ADGRL4: variants seen among roughly 807,000 people sequenced by gnomAD.
ADGRL4 encodes the protein EGF, latrophilin and seven transmembrane domain containing 1.
ADGRL4 carries 90 observed loss-of-function variants against 74.8 expected under a neutral mutation model. That is an observed-to-expected ratio of 1.20 (90% CI 1.02 to 1.43). The LOEUF is 1.43. ADGRL4 is among the 40% of genes most tolerant of loss of function. The pLI is 0.00. For synonymous variants in ADGRL4, 311 were observed against 279.2 expected (o/e 1.11, Z -1.14); for missense variants, 881 against 814.3 (o/e 1.08, Z -1.00).
chr1:78,900,469 C>T (rs1006275382), intron 12 of ADGRL4, among the ~76,000 whole-genome samples: 2 of 152,268 alleles, frequency 1.3e-5, no homozygotes, highest in Non-Finnish European at 2.9e-5. Context: ...GGGAGAAATA[C>T]ACGCACATGT....
In ADGRL4 at chr1:78,921,527, A is replaced by G. The variant is rs1648999144; in HGVS notation, c.1257+86T>C. The G allele has an allele frequency of 5.8e-6, 5 of 860,878 alleles. No homozygotes were observed. The Admixed American group carries it at 1.2e-4, about 21-fold the overall frequency. 53.3% of individuals were successfully genotyped at this position (860,878 alleles called of 1,614,324 possible). A position where few individuals can be genotyped will look rare whatever the true frequency, so the allele number is the denominator to read the frequency against. On this transcript the variant is annotated intron_variant, in intron 9 of 14. Coordinates refer to ENST00000370742, the MANE Select transcript of ADGRL4 (RefSeq NM_022159.4). ...TGCTATCTAAACCCAAGAAAAATAT[A>G]TAAAAAATTAAATATTGTCTCGAAT...
chr1:78,924,334 G>T (rs1649069416), intron 8 of ADGRL4, among the ~76,000 whole-genome samples: 1 of 151,984 alleles, frequency 6.6e-6, no homozygotes, highest in Admixed American at 6.6e-5. Flanking sequence ...TTAAAAAATT[G>T]ACCTTCTCTG....
At chr1:78,988,844 T>A (rs576382238) in intron 2 of ADGRL4, among the ~76,000 whole-genome samples, 46 of 151,968 alleles carry the variant, frequency 3.0e-4, no homozygotes, top group Middle Eastern at 3.4e-3. Context: ...TTATTCAATC[T>A]TTCCACCCTG....
At position 79,005,221 on chromosome 1, in the gene ADGRL4, T is replaced by G; in HGVS notation, c.23-2A>C. The G allele has an allele frequency of 1.2e-6, 2 of 1,600,802 alleles. No individual in the cohort carries two copies. The highest frequency in any genetic ancestry group is 1.7e-6 in the Non-Finnish European group (2 of 1,174,562). On this transcript the variant is annotated splice_acceptor_variant, in intron 1 of 14. Transcript: ENST00000370742. LOFTEE classifies it high-confidence loss of function. ...AATTCAACAAAGTGGAAAAAACCAC[T>G]AAATAAAATAGAGAAATACACCTTT...
chr1:78,978,976 C>T (rs4650622), intron 2 of ADGRL4, among the ~76,000 whole-genome samples: 13,615 of 151,792 alleles, frequency 0.09, 822 homozygotes, highest in East Asian at 0.34. Context: ...ACACTAGCAG[C>T]AGCAATTTTT....
chr1:78,910,427 A>T lies in ADGRL4; in HGVS notation c.1749+7207T>A, dbSNP rs530259361. Among the ~76,000 whole-genome samples the T allele has an allele frequency of 2.0e-5, 3 of 151,948 alleles. 1 individual carries two copies. Among genetic ancestry groups the T allele is most frequent in the Admixed American group, 6.6e-5 (1 of 15,198 alleles). The stretch of plus-strand genomic sequence containing the variant: ...AAGAGTAGTGATACAGCAACACATA[A>T]TTATGAGAGTTTTGATTTAAATTCA... On this transcript the variant is annotated intron_variant, in intron 12 of 14. Coordinates refer to ENST00000370742, the MANE Select transcript of ADGRL4 (RefSeq NM_022159.4).
Position 78,939,283 on chromosome 1 carries a change from ACAGT to A in ADGRL4, c.326-29_326-26del, listed in dbSNP as rs747678729. 6 of 1,534,658 alleles carry A rather than the reference ACAGT, an allele frequency of 3.9e-6. No individual in the cohort carries two copies. The Admixed American group carries it at 1.1e-4, about 27-fold the overall frequency. ...TCTGTAAAAAAAGAAAATAGATTAT[ACAGT>A]CAGTTTTAAAAAGTATTTTTCCTAA... is the stretch of plus-strand genomic sequence containing the variant. On this transcript the variant is annotated intron_variant, in intron 3 of 14. Coordinates refer to ENST00000370742, the MANE Select transcript of ADGRL4 (RefSeq NM_022159.4).
intron 8 of ADGRL4, among the ~76,000 whole-genome samples, chr1:78,924,754 T>C (rs1163240751): frequency 6.6e-6 from 1 of 152,122 alleles, no homozygotes; most frequent in Non-Finnish European, 1.5e-5. Context: ...CATGATTCAG[T>C]TGTGAATAAC....
intron 2 of ADGRL4, among the ~76,000 whole-genome samples, chr1:78,979,668 A>G (rs1006333890): frequency 6.6e-6 from 1 of 151,966 alleles, no homozygotes; most frequent in South Asian, 2.1e-4. Context: ...TCAGCCAATG[A>G]GTGGATAAAG....
At chr1:78,917,748 G>A in intron 11 of ADGRL4, 48 bp from the exon 12 acceptor site, 1 of 1,584,250 alleles carries the variant, frequency 6.3e-7, no homozygotes, top group Non-Finnish European at 8.7e-7. Flanking sequence ...TTGCATGTAT[G>A]TTAACATAGC....
At chr1:78,933,333 T>G (rs1649285362) in intron 7 of ADGRL4, among the ~76,000 whole-genome samples, 1 of 151,394 alleles carries the variant, frequency 6.6e-6, no homozygotes, top group African/African-American at 2.5e-5. Flanking sequence ...AAAAACCACA[T>G]GATCATCTCA....
intron 3 of ADGRL4, among the ~76,000 whole-genome samples, chr1:78,942,173 C>CAAAAA (rs398049382): frequency 4.1e-5 from 3 of 73,610 alleles, no homozygotes; most frequent in Admixed American, 1.7e-4. Flanking sequence ...GACTCCGTCT[C>CAAAAA]AAAAAAAAAA....
chr1:78,993,154 T>C (rs1203404722), intron 2 of ADGRL4, among the ~76,000 whole-genome samples: 2 of 152,120 alleles, frequency 1.3e-5, no homozygotes, highest in Non-Finnish European at 2.9e-5. Flanking sequence ...ATTTTATTTA[T>C]AATCTTTATA....
At position 78,927,019 on chromosome 1, in the gene ADGRL4, A is replaced by T; in HGVS notation, c.950T>A (p.Leu317Ter). The change falls in exon 8 of 15, where the codon TTG (leucine) becomes TAG (stop). Residue 317 changes from leucine to a stop codon, truncating the protein, a stop_gained. Transcript: ENST00000370742. LOFTEE classifies it high-confidence loss of function. ...AGAATTATCATAATTTTGAGGTTTCAATAAGAAGTTGTCAGATGATGAAAG... is the reference window on the plus strand; with the variant it reads ...AGAATTATCATAATTTTGAGGTTTCTATAAGAAGTTGTCAGATGATGAAAG... ...PLLSSSDNFL[L>*]KPQNYDNSEE... 1.9e-6 allele frequency: 3 copies of T among 1,610,970 alleles called. No homozygotes were observed. Among genetic ancestry groups the T allele is most frequent in the Non-Finnish European group, 2.5e-6 (3 of 1,177,868 alleles).
Position 78,937,811 on chromosome 1 carries a change from AT to A in ADGRL4, c.755del (p.Asp252ValfsTer2). The A allele has an allele frequency of 6.2e-7, 1 of 1,604,904 alleles. No individual in the cohort carries two copies. The highest frequency in any genetic ancestry group is 2.2e-5 in the East Asian group (1 of 44,768). ...AAATGGACCCTTGTTTCTTACCTAT[AT>A]CCGTTGAATTTGTATCAAACTCTGT... ...KTTEFDTNST[D>X]IALKVFFFDS... is the part of the protein sequence containing the mutation. On this transcript the variant is annotated frameshift_variant, in exon 6 of 15. Coordinates refer to ENST00000370742, the MANE Select transcript of ADGRL4 (RefSeq NM_022159.4). LOFTEE classifies it high-confidence loss of function.
At chr1:78,941,562 C>G (rs78268659) in intron 3 of ADGRL4, among the ~76,000 whole-genome samples, 36 of 124,680 alleles carry the variant, frequency 2.9e-4, no homozygotes, top group African/African-American at 1.0e-3. Context: ...TCAATCCCCC[C>G]TTTTTTTTTT....
At chr1:78,943,623 C>G (rs11162578) in intron 3 of ADGRL4, among the ~76,000 whole-genome samples, 13,503 of 152,046 alleles carry the variant, frequency 0.089, 796 homozygotes, top group East Asian at 0.33. Flanking sequence ...GCTAAAATTT[C>G]AAATCAGAAG....
intron 2 of ADGRL4, among the ~76,000 whole-genome samples, chr1:78,999,579 A>G (rs1650793617): frequency 1.3e-5 from 2 of 151,932 alleles, no homozygotes; most frequent in South Asian, 4.1e-4. Context: ...TCTTAAATAA[A>G]TAAATAAATA....
intron 12 of ADGRL4, among the ~76,000 whole-genome samples, chr1:78,901,846 C>A (rs1191858828): frequency 6.6e-6 from 1 of 152,150 alleles, no homozygotes; most frequent in Non-Finnish European, 1.5e-5. Flanking sequence ...GGATTTAGCA[C>A]ACTTGGGAGT....
Sources: allele counts gnomAD v4.1 joint callset (sites outside exome capture counted in the v4.1 genomes callset), GRCh38; gene constraint gnomAD v4.1.1; transcripts MANE v1.5; gene names NCBI Gene and HGNC (gene_info 2026-07-23, HGNC 2026-07-21).